Variants in SOX5 observed in about 807,000 individuals in gnomAD.
SOX5 encodes SRY-box transcription factor 5, also known as transcription factor SOX-5.
Under a neutral mutation model 92.0 loss-of-function variants are expected in SOX5, and 9 were observed. The ratio of observed to expected loss-of-function variants is 0.10; its 90% CI spans 0.06 to 0.17. The LOEUF is 0.17. SOX5 is among the 10% of genes least tolerant of loss of function. SOX5 has a pLI of 1.00. For missense variants in SOX5, 642 were observed against 944.5 expected, an observed-to-expected ratio of 0.68 and a Z score of 4.20; for synonymous variants, 344 against 336.3, an observed-to-expected ratio of 1.02 and a Z score of -0.25.
intron 4 of SOX5, among the ~76,000 whole-genome samples, chr12:23,985,308 G>T (rs925343580): frequency 6.6e-6 from 1 of 151,868 alleles, no homozygotes; most frequent in African/African-American, 2.4e-5. Flanking sequence ...TAGCCCAGTG[G>T]TGCAATCAAG....
chr12:24,130,687 C>T (rs924627372), intron 4 of SOX5, among the ~76,000 whole-genome samples: 4 of 152,148 alleles, frequency 2.6e-5, no homozygotes, highest in African/African-American at 9.7e-5. Flanking sequence ...GAGGCAGTGG[C>T]TGCAGTTATC....
At chr12:23,855,058 A>G (rs1425148633) in intron 2 of SOX5, among the ~76,000 whole-genome samples, 1 of 132,386 alleles carries the variant, frequency 7.6e-6, no homozygotes, top group Non-Finnish European at 1.6e-5. Context: ...AAAACAAATA[A>G]AGAAAAAAAA....
At chr12:24,442,119 T>A (rs1210291646) in intron 1 of SOX5, among the ~76,000 whole-genome samples, 1 of 152,186 alleles carries the variant, frequency 6.6e-6, no homozygotes, top group Admixed American at 6.5e-5. Flanking sequence ...ATAGACACTT[T>A]CTTAAAAAAG....
At position 23,899,566 on chromosome 12, in the gene SOX5, G is replaced by A. The variant is rs189690945; in HGVS notation, c.39-3542C>T. Among the ~76,000 whole-genome samples, 495 of 152,234 alleles carry A rather than the reference G, an allele frequency of 3.3e-3. 3 individuals carry two copies. The highest frequency in any genetic ancestry group is 6.8e-3 in the Middle Eastern group (2 of 294). ...TAGAGATGATTTTTATCACTTCTGT[G>A]GTGCTAGGCTTACCAATGAACAAAA... On this transcript the variant is annotated intron_variant, in intron 1 of 14. Transcript: ENST00000451604.
At chr12:24,510,823 T>G (rs1337988554) in intron 1 of SOX5, among the ~76,000 whole-genome samples, 1 of 152,098 alleles carries the variant, frequency 6.6e-6, no homozygotes, top group African/African-American at 2.4e-5. Context: ...CTTACACACA[T>G]GAATCTAGAT....
At chr12:24,225,732 G>A (rs763249759) in intron 3 of SOX5, among the ~76,000 whole-genome samples, 1 of 152,158 alleles carries the variant, frequency 6.6e-6, no homozygotes, top group Non-Finnish European at 1.5e-5. Flanking sequence ...TATTTTTAAT[G>A]ATTGTAATGA....
At chr12:24,201,349 A>G (rs200158996) in intron 4 of SOX5, among the ~76,000 whole-genome samples, 1 of 99,396 alleles carries the variant, frequency 1.0e-5, no homozygotes, top group Non-Finnish European at 2.2e-5. Context: ...TTTTCTCAGG[A>G]AAAAAAAAAA....
intron 4 of SOX5, among the ~76,000 whole-genome samples, chr12:24,006,872 G>C (rs1162269141): frequency 6.6e-6 from 1 of 151,798 alleles, no homozygotes; most frequent in Non-Finnish European, 1.5e-5. Context: ...GGTGCCTCAC[G>C]CCTATAATCC....
At position 23,905,385 on chromosome 12, in the gene SOX5, T is replaced by C. The variant is rs561422357; in HGVS notation, c.39-9361A>G. Among the ~76,000 whole-genome samples, 10 of 152,316 alleles carry C rather than the reference T, an allele frequency of 6.6e-5. No individual in the cohort carries two copies. In the East Asian group the frequency reaches 1.9e-3, roughly 29 times the overall value. On this transcript the variant is annotated intron_variant, in intron 1 of 14. Transcript: ENST00000451604. The stretch of plus-strand genomic sequence containing the variant: ...TACTCCAAAATTAGGCTTTGTCTTA[T>C]TGGCTGGAGACACCCAGAAAATGTT...
At chr12:24,187,035 G>A (rs956170963) in intron 4 of SOX5, among the ~76,000 whole-genome samples, 1 of 152,124 alleles carries the variant, frequency 6.6e-6, no homozygotes, top group African/African-American at 2.4e-5. Context: ...GGAAGAAGAA[G>A]AAGGGCAAGT....
chr12:24,151,460 A>C (rs941826190), intron 4 of SOX5, among the ~76,000 whole-genome samples: 1 of 152,180 alleles, frequency 6.6e-6, no homozygotes, highest in African/African-American at 2.4e-5. Context: ...ATCATAGCCA[A>C]AATATCAATT....
intron 3 of SOX5, among the ~76,000 whole-genome samples, chr12:23,770,615 G>A (rs763797175): frequency 6.6e-5 from 10 of 151,700 alleles, no homozygotes; most frequent in South Asian, 2.1e-4. Flanking sequence ...TTCTCTGAAC[G>A]GTATTCCTAG....
intron 1 of SOX5, among the ~76,000 whole-genome samples, chr12:24,420,732 T>C (rs1205613770): frequency 1.3e-5 from 2 of 152,174 alleles, no homozygotes; most frequent in African/African-American, 2.4e-5. Flanking sequence ...ATTTCTACTT[T>C]GCAACCCCTA....
At chr12:23,683,759 T>G (rs1232436124) in intron 6 of SOX5, among the ~76,000 whole-genome samples, 1 of 152,046 alleles carries the variant, frequency 6.6e-6, no homozygotes, top group East Asian at 1.9e-4. Flanking sequence ...ACTTGACATT[T>G]TGTATGCATC....
At chr12:23,885,509 A>G (rs1422457267) in intron 2 of SOX5, among the ~76,000 whole-genome samples, 4 of 152,198 alleles carry the variant, frequency 2.6e-5, no homozygotes, top group Non-Finnish European at 5.9e-5. Flanking sequence ...CTGCTCCTCT[A>G]TATAATGATA....
intron 6 of SOX5, among the ~76,000 whole-genome samples, chr12:23,668,925 T>C (rs916155857): frequency 5.9e-5 from 9 of 152,218 alleles, no homozygotes; most frequent in African/African-American, 2.2e-4. Flanking sequence ...TATCAATTAC[T>C]CATAGTTAAA....
intron 4 of SOX5, among the ~76,000 whole-genome samples, chr12:23,994,871 T>G (rs1592156368): frequency 6.6e-6 from 1 of 152,330 alleles, no homozygotes; most frequent in East Asian, 1.9e-4. Context: ...AAGCTGTTAC[T>G]GTATTCCTCT....
intron 2 of SOX5, among the ~76,000 whole-genome samples, chr12:24,306,193 G>A (rs749913902): frequency 3.9e-4 from 59 of 152,186 alleles, no homozygotes; most frequent in African/African-American, 7.0e-4. Context: ...GAAAGTGGGC[G>A]TTTGCTGTTC....
At chr12:23,975,782 A>G (rs1948825679) in intron 4 of SOX5, among the ~76,000 whole-genome samples, 1 of 152,212 alleles carries the variant, frequency 6.6e-6, no homozygotes, top group African/African-American at 2.4e-5. Context: ...TGAACATAAT[A>G]TGCACTATAA....
Sources: gnomAD v4.1 joint callset for allele counts (sites outside exome capture counted in the v4.1 genomes callset) on GRCh38, gnomAD v4.1.1 for gene constraint, MANE v1.5 for transcripts, NCBI Gene and HGNC (gene_info 2026-07-23, HGNC 2026-07-21) for gene names.